Variants in CD1B observed in about 807,000 individuals in gnomAD.
The protein encoded by CD1B is CD1b molecule.
A neutral mutation model predicts 39.8 loss-of-function variants in CD1B; 43 were observed. The ratio of observed to expected loss-of-function variants is 1.08; its 90% CI spans 0.85 to 1.39. CD1B has a LOEUF of 1.39. Among genes scored for constraint, CD1B ranks in the 40% most tolerant of loss-of-function variants. The pLI, the probability that CD1B is intolerant of heterozygous loss-of-function variation, is 0.00. For synonymous variants in CD1B, 192 were observed against 152.5 expected (o/e 1.26, Z -1.91); for missense variants, 495 against 403.8 (o/e 1.23, Z -1.94).
chr1:158,307,828 T>C, the CD1B span, among the ~76,000 whole-genome samples: 1,870 of 152,032 alleles, frequency 0.012, 39 homozygotes, highest in African/African-American at 0.04. Context: ...ATTGATGGGA[T>C]GTATCTCAAA....
the CD1B span, among the ~76,000 whole-genome samples, chr1:158,322,576 C>T: frequency 0.3 from 45,440 of 151,834 alleles, 7,314 homozygotes; most frequent in African/African-American, 0.43. Flanking sequence ...GGCCTGTATA[C>T]TTACCTTTAC....
intron 1 of CD1B, 137 bp from the exon 2 acceptor site, chr1:158,331,199 C>T (rs1652588465): frequency 8.9e-7 from 1 of 1,119,386 alleles, no homozygotes; most frequent in Non-Finnish European, 1.3e-6. Flanking sequence ...CATTTGACTG[C>T]CTTAAGGCTT....
the CD1B span, among the ~76,000 whole-genome samples, chr1:158,299,890 A>G: frequency 6.6e-6 from 1 of 152,022 alleles, no homozygotes; most frequent in Non-Finnish European, 1.5e-5. Context: ...CTTCTTTATT[A>G]GTCTTGCTAG....
chr1:158,293,582 T>C, the CD1B span: 1 of 1,613,282 alleles, frequency 6.2e-7, no homozygotes, highest in East Asian at 2.2e-5. Flanking sequence ...ATTGTTTCTC[T>C]TTCTGCATAA....
chr1:158,319,977 A>G, the CD1B span, among the ~76,000 whole-genome samples: 12 of 152,260 alleles, frequency 7.9e-5, no homozygotes, highest in African/African-American at 1.9e-4. Context: ...GCTGCTCGGG[A>G]GTCAGGGGTC....
chr1:158,311,714 T>A, the CD1B span, among the ~76,000 whole-genome samples: 1 of 152,188 alleles, frequency 6.6e-6, no homozygotes, highest in Non-Finnish European at 1.5e-5. Context: ...CTTCTGCATA[T>A]GGATATTCAG....
downstream of CD1B, among the ~76,000 whole-genome samples, chr1:158,325,500 A>T (rs1652319537): frequency 6.6e-6 from 1 of 152,204 alleles, no homozygotes; most frequent in Non-Finnish European, 1.5e-5. Context: ...TTTTTGAAAA[A>T]CATTTAAAAA....
downstream of CD1B, among the ~76,000 whole-genome samples, chr1:158,323,273 T>A (rs1652249142): frequency 6.6e-6 from 1 of 152,018 alleles, no homozygotes; most frequent in Non-Finnish European, 1.5e-5. Context: ...TTAATTCTGC[T>A]GTTAATGCTC....
At chr1:158,319,492 T>C in the CD1B span, among the ~76,000 whole-genome samples, 3 of 152,232 alleles carry the variant, frequency 2.0e-5, no homozygotes, top group Non-Finnish European at 2.9e-5. Context: ...ACGTAGTTCT[T>C]GAGCCTTGGT....
chr1:158,319,679 T>C, the CD1B span, among the ~76,000 whole-genome samples: 1,874 of 152,242 alleles, frequency 0.012, 38 homozygotes, highest in African/African-American at 0.04. Flanking sequence ...AGTCGTTCTC[T>C]GTCCAGCTTT....
chr1:158,322,432 TG>T, the CD1B span, among the ~76,000 whole-genome samples: 1 of 137,822 alleles, frequency 7.3e-6, no homozygotes, highest in African/African-American at 3.2e-5. Flanking sequence ...TTTTTTTTTG[TG>T]TGTGTGTGTT....
the CD1B span, among the ~76,000 whole-genome samples, chr1:158,296,321 C>G: frequency 1.3e-5 from 2 of 152,120 alleles, no homozygotes; most frequent in Non-Finnish European, 2.9e-5. Flanking sequence ...GCATATAGCC[C>G]AGGAGTGCTG....
chr1:158,286,921 C>A, the CD1B span, among the ~76,000 whole-genome samples: 1 of 152,024 alleles, frequency 6.6e-6, no homozygotes, highest in East Asian at 1.9e-4. Context: ...GGAAACTGGG[C>A]AAGTATATAT....
At chr1:158,328,560 A>C (rs1473692334) in intron 5 of CD1B, among the ~76,000 whole-genome samples, 1 of 152,160 alleles carries the variant, frequency 6.6e-6, no homozygotes, top group Admixed American at 6.5e-5. Context: ...TAGAGACAGA[A>C]TGTAGAGCTG....
At chr1:158,305,735 A>G in the CD1B span, among the ~76,000 whole-genome samples, 14 of 152,224 alleles carry the variant, frequency 9.2e-5, no homozygotes, top group African/African-American at 2.9e-4. Context: ...CTGATCTCTC[A>G]GCAGAAACTC....
chr1:158,328,138 T>C lies in CD1B; in HGVS notation c.*98A>G, dbSNP rs1652428536. On this transcript the variant is annotated 3_prime_UTR_variant, in exon 6 of 6. Coordinates refer to ENST00000368168, the MANE Select transcript of CD1B (RefSeq NM_001764.3). ...ACATGAAAACTCTGATTTCATCAAA[T>C]TTGAAAATCATTTGAAATATGATAA... is the stretch of plus-strand genomic sequence containing the variant. 2 of 944,220 alleles carry C rather than the reference T, an allele frequency of 2.1e-6. No individual in the cohort carries two copies. The highest frequency in any genetic ancestry group is 1.5e-5 in the South Asian group (1 of 67,148). 58.5% of individuals were successfully genotyped at this position (944,220 alleles called of 1,614,324 possible). A position where few individuals can be genotyped will look rare whatever the true frequency, so the allele number is the denominator to read the frequency against.
At chr1:158,318,859 T>G in the CD1B span, among the ~76,000 whole-genome samples, 274 of 152,318 alleles carry the variant, frequency 1.8e-3, 2 homozygotes, top group African/African-American at 5.5e-3. Flanking sequence ...GGCAGGCCTG[T>G]TGGTGACAAA....
In CD1B at chr1:158,330,103, C is replaced by T. The variant is rs1351876194; in HGVS notation, c.356G>A (p.Gly119Asp). The T allele has an allele frequency of 6.2e-7, 1 of 1,613,458 alleles. No homozygotes were observed. Among genetic ancestry groups the T allele is most frequent in the Non-Finnish European group, 8.5e-7 (1 of 1,179,690 alleles). ...GGCACCTCCAGAATGTAGCTCACAGCCTGCTATGCCCTGGATCTCAAAGGG... is the reference window on the plus strand; with the variant it reads ...GGCACCTCCAGAATGTAGCTCACAGTCTGCTATGCCCTGGATCTCAAAGGG... The part of the protein sequence containing the change: ...KYPFEIQGIA[G>D]CELHSGGAIV... The change falls in exon 3 of 6, where the codon GGC becomes GAC. Residue 119 changes from glycine (G) to aspartate (D), a missense_variant. Transcript: ENST00000368168.
the CD1B span, among the ~76,000 whole-genome samples, chr1:158,295,289 G>A: frequency 6.6e-6 from 1 of 152,000 alleles, no homozygotes; most frequent in Non-Finnish European, 1.5e-5. Flanking sequence ...CTGAAGGGGG[G>A]AAGAAGCTGC....
Sources: allele counts gnomAD v4.1 joint callset (sites outside exome capture counted in the v4.1 genomes callset), GRCh38; gene constraint gnomAD v4.1.1; transcripts MANE v1.5; gene names NCBI Gene and HGNC (gene_info 2026-07-23, HGNC 2026-07-21).